The following GARNL3 variants were observed in gnomAD, a reference collection of about 807,000 sequenced individuals.
GARNL3 encodes GTPase-activating Rap/Ran-GAP domain-like protein 3.
A neutral mutation model predicts 125.0 loss-of-function variants in GARNL3; 63 were observed. The observed-to-expected ratio is 0.50, with a 90% confidence interval of 0.41 to 0.62. The LOEUF (loss-of-function observed/expected upper bound fraction) is 0.62, where lower values mean the gene tolerates loss of function less well. Ranked by LOEUF, GARNL3 falls within the 20% of genes least tolerant of loss-of-function variation. The pLI is 0.00. For missense variants in GARNL3, 994 were observed against 1,244.0 expected, an observed-to-expected ratio of 0.80 and a Z score of 3.02; for synonymous variants, 439 against 457.5, an observed-to-expected ratio of 0.96 and a Z score of 0.52.
chr9:127,243,132 G>A (rs929558377), exon 2 of GARNL3: 1 of 1,365,506 alleles, frequency 7.3e-7, no homozygotes, highest in Middle Eastern at 2.1e-4. Context: ...AAGGTGCCTT[G>A]TGGGAGTCAG....
intron 2 of GARNL3, among the ~76,000 whole-genome samples, chr9:127,255,997 T>C (rs930187905): frequency 6.6e-6 from 1 of 152,210 alleles, no homozygotes; most frequent in Non-Finnish European, 1.5e-5. Flanking sequence ...CCTGGAGAGA[T>C]AGACTTTCAA....
intron 19 of GARNL3, 36 bp downstream of exon 19, chr9:127,354,446 T>G (rs1332015352): frequency 2.1e-6 from 2 of 932,548 alleles, no homozygotes; most frequent in Non-Finnish European, 3.1e-6. Flanking sequence ...ATTCGATTCG[T>G]TTTTTTTTTT....
chr9:127,325,222 C>A, intron 7 of GARNL3, 127 bp downstream of exon 7: 1 of 860,342 alleles, frequency 1.2e-6, no homozygotes, highest in Non-Finnish European at 1.9e-6. Context: ...CAGTGGGACA[C>A]ATTGCGCGGA....
intron 2 of GARNL3, among the ~76,000 whole-genome samples, chr9:127,304,230 AC>A (rs2064882797): frequency 6.6e-6 from 1 of 152,238 alleles, no homozygotes; most frequent in East Asian, 1.9e-4. Flanking sequence ...AATAGGTGAC[AC>A]TTAAATTAGT....
At chr9:127,254,084 A>G (rs938118042) in intron 2 of GARNL3, among the ~76,000 whole-genome samples, 2 of 152,204 alleles carry the variant, frequency 1.3e-5, no homozygotes. Flanking sequence ...GTGGGAAATG[A>G]GTTGGTCAGC....
At position 127,384,896 on chromosome 9, in the gene GARNL3, G is replaced by A. The variant is rs1832458264; in HGVS notation, c.2270-131G>A. ...ATCAGGGTGACTTGCACATGTGAAG[G>A]AAGGAGAGAAGCAGCCAGAGGAATG... On this transcript the variant is annotated intron_variant, in intron 23 of 27. Coordinates refer to ENST00000373387, the MANE Select transcript of GARNL3 (RefSeq NM_032293.5). This position sits in a 1 kb window ranked among gnomAD's most constrained non-coding sequence, Gnocchi z 4.0. The A allele has an allele frequency of 3.6e-6, 2 of 557,416 alleles. No individual in the cohort carries two copies. Among genetic ancestry groups the A allele is most frequent in the Non-Finnish European group, 6.5e-6 (2 of 308,912 alleles). 34.5% of individuals were successfully genotyped at this position (557,416 alleles called of 1,614,324 possible).
intron 1 of GARNL3, among the ~76,000 whole-genome samples, chr9:127,231,035 CATATATAT>C (rs200926096): frequency 2.7e-4 from 15 of 55,820 alleles, no homozygotes; most frequent in Middle Eastern, 0.011. Context: ...TGTATATATA[CATATATAT>C]ATATATATTT....
intron 2 of GARNL3, among the ~76,000 whole-genome samples, chr9:127,248,352 A>G (rs1002873392): frequency 6.6e-6 from 1 of 152,084 alleles, no homozygotes; most frequent in African/African-American, 2.4e-5. Context: ...AGTCTTCTAG[A>G]GGTAGGCGTG....
intron 1 of GARNL3, among the ~76,000 whole-genome samples, chr9:127,240,811 G>A (rs2063190591): frequency 6.6e-6 from 1 of 152,134 alleles, no homozygotes; most frequent in Non-Finnish European, 1.5e-5. Flanking sequence ...AGGAGGTTGA[G>A]GCAGGAGTAT....
Position 127,387,348 on chromosome 9 carries a change from A to G in GARNL3, c.2527+17A>G. ...TGGGGGAAGGTGAAGTCCAAGTTTT[A>G]CTGTTTTATTAATATTTGTAATTCA... is the stretch of plus-strand genomic sequence containing the variant. On this transcript the variant is annotated intron_variant, in intron 25 of 27. Coordinates refer to ENST00000373387, the MANE Select transcript of GARNL3 (RefSeq NM_032293.5). The G allele has an allele frequency of 1.2e-6, 2 of 1,601,380 alleles. No homozygotes were observed. The highest frequency in any genetic ancestry group is 1.7e-6 in the Non-Finnish European group (2 of 1,173,080).
chr9:127,232,278 T>G (rs1412510572), intron 1 of GARNL3, among the ~76,000 whole-genome samples: 1 of 152,222 alleles, frequency 6.6e-6, no homozygotes, highest in Non-Finnish European at 1.5e-5. Flanking sequence ...CTTCAGCTAC[T>G]GAAGCAGGAG....
chr9:127,356,962 C>T (rs1283264520), intron 20 of GARNL3, among the ~76,000 whole-genome samples: 2 of 152,226 alleles, frequency 1.3e-5, no homozygotes, highest in African/African-American at 4.8e-5. Context: ...CTGTTGATTG[C>T]ATTTTGTTTA....
Position 127,332,280 on chromosome 9 carries a change from G to A in GARNL3, c.601G>A (p.Val201Met), listed in dbSNP as rs757285948. ...LLVLEEQEGS[V>M]NFKFGVLFAK... Reference sequence around the variant, plus strand: ...CTTTTGTTATTATCCTAAGGGCTCTGTGAATTTCAAGTTTGGGGTTCTTTT... The same window carrying A: ...CTTTTGTTATTATCCTAAGGGCTCTATGAATTTCAAGTTTGGGGTTCTTTT... The change falls in exon 8 of 28, where the codon GTG becomes ATG. Residue 201 changes from valine (V) to methionine (M), a missense_variant. Physicochemically the swap from Val to Met is conservative, Grantham distance 21. This residue lies in a region of GARNL3 where 139 missense variants were observed against 231.6 expected (regional missense o/e 0.60). Transcript: ENST00000373387. 1 of 1,612,616 alleles carries A rather than the reference G, an allele frequency of 6.2e-7. No homozygotes were observed. Among genetic ancestry groups the A allele is most frequent in the African/African-American group, 1.3e-5 (1 of 74,856 alleles).
At chr9:127,375,122 T>A (rs577839612) in intron 22 of GARNL3, among the ~76,000 whole-genome samples, 1 of 152,148 alleles carries the variant, frequency 6.6e-6, no homozygotes, top group East Asian at 1.9e-4. Flanking sequence ...AAACATTCGC[T>A]CACCATATGG....
chr9:127,289,323 C>A (rs2064344353), intron 1 of GARNL3, among the ~76,000 whole-genome samples: 1 of 152,206 alleles, frequency 6.6e-6, no homozygotes, highest in African/African-American at 2.4e-5. Flanking sequence ...TCACAGAATT[C>A]ACTAAAAGCT....
At chr9:127,320,667 T>G (rs1157660612) in intron 5 of GARNL3, 48 bp from the exon 6 acceptor site, 1 of 1,381,604 alleles carries the variant, frequency 7.2e-7, no homozygotes, top group Non-Finnish European at 1.0e-6. Context: ...TAGAAGCTCC[T>G]TTTTAGCTTC....
rs139364557 is a variant in GARNL3 at position 127,313,478 on chromosome 9, C to T, written c.357C>T (p.Ser119=). The change falls in exon 4 of 28, where the codon AGC becomes AGT. Residue 119 remains serine (S), a synonymous_variant. Transcript: ENST00000373387. ...ACATTGGAAACGATGCCGAGAAGAG[C>T]CCTTTCTTCTTGTCCGTGACCCTTT... ...QNYIGNDAEK[S]PFFLSVTLSD... The T allele has an allele frequency of 8.1e-6, 13 of 1,613,788 alleles. No homozygotes were observed. The African/African-American group carries it at 1.7e-4, about 22-fold the overall frequency.
At chr9:127,311,804 C>A in intron 3 of GARNL3, 69 bp downstream of exon 3, 1 of 1,081,838 alleles carries the variant, frequency 9.2e-7, no homozygotes, top group Admixed American at 1.7e-5. Context: ...CATATAACTT[C>A]TGGTATCCTA....
chr9:127,228,657 T>G lies in GARNL3; in HGVS notation c.-29+4319T>G, dbSNP rs139615677. ...CCTTATTGAATTGAAGCACTTTTTA[T>G]TTATTTATTAAGGAAATTAATTGTT... On this transcript the variant is annotated intron_variant, in intron 1 of 10. Transcript: ENST00000439286. 3.8e-3 allele frequency among the ~76,000 whole-genome samples: 580 copies of G among 152,334 alleles called. 7 individuals are homozygous for G. The highest frequency in any genetic ancestry group is 0.024 in the East Asian group (127 of 5,192).
Sources: allele counts gnomAD v4.1 joint callset (sites outside exome capture counted in the v4.1 genomes callset), GRCh38; gene constraint gnomAD v4.1.1; regional missense constraint gnomAD v4.1.1; non-coding constraint Gnocchi (gnomAD v3.1); transcripts MANE v1.5; gene names NCBI Gene and HGNC (gene_info 2026-07-23, HGNC 2026-07-21).